The following AHI1 variants were observed in gnomAD, a reference collection of about 807,000 sequenced individuals.
AHI1 encodes Abelson helper integration site 1.
In AHI1, 123 loss-of-function variants were observed where a neutral mutation model predicts 149.3. The observed-to-expected ratio is 0.82, with a 90% CI of 0.71 to 0.96. The LOEUF is 0.96. AHI1 is among the 40% of genes least tolerant of loss of function. The probability of loss-of-function intolerance (pLI) is 0.00; values close to 1 mark genes in which losing one functional copy is unlikely to be tolerated. For missense variants in AHI1, 1,439 were observed against 1,422.7 expected, an observed-to-expected ratio of 1.01 and a Z score of -0.18; for synonymous variants, 475 against 459.8, an observed-to-expected ratio of 1.03 and a Z score of -0.42.
At position 135,433,027 on chromosome 6, in the gene AHI1, C is replaced by A. The variant is rs376754552; in HGVS notation, c.2266G>T (p.Gly756Cys). ...TCTTCATTCATAGTCTCTGACATAC[C>A]TTCAGTATCAAAACAAAGTGAGTTG... ...FINSLCFDTE[G>C]HHMYSGDCTG... The change falls in exon 16 of 29, where the codon GGT becomes TGT. Residue 756 changes from glycine (G) to cysteine (C), a missense_variant and splice_region_variant. Gly to Cys is a radical substitution (Grantham distance 159). Transcript: ENST00000265602. 50 of 1,604,142 alleles carry A rather than the reference C, an allele frequency of 3.1e-5. No homozygotes were observed. The highest frequency in any genetic ancestry group is 4.2e-5 in the Non-Finnish European group (49 of 1,171,258).
intron 5 of AHI1, among the ~76,000 whole-genome samples, chr6:135,489,610 T>A (rs1794960048): frequency 6.6e-6 from 1 of 152,150 alleles, no homozygotes; most frequent in African/African-American, 2.4e-5. Context: ...AAAAAGCACA[T>A]GCTATTTCAG....
chr6:135,359,458 A>C (rs764219709), intron 23 of AHI1, among the ~76,000 whole-genome samples: 1 of 152,176 alleles, frequency 6.6e-6, no homozygotes, highest in Non-Finnish European at 1.5e-5. Flanking sequence ...ATGGAAAGAC[A>C]CTCTTATTCA....
chr6:135,393,302 A>G (rs557914876), intron 23 of AHI1, among the ~76,000 whole-genome samples: 4 of 152,270 alleles, frequency 2.6e-5, no homozygotes, highest in African/African-American at 9.6e-5. Flanking sequence ...TGTATTATCT[A>G]TATCTTGTTG....
intron 24 of AHI1, among the ~76,000 whole-genome samples, chr6:135,331,794 C>A (rs1788636924): frequency 6.6e-6 from 1 of 152,162 alleles, no homozygotes; most frequent in Non-Finnish European, 1.5e-5. Context: ...CTTCTCTGTG[C>A]CAGTCTAATA....
intron 6 of AHI1, among the ~76,000 whole-genome samples, chr6:135,466,886 A>G (rs1461893134): frequency 2.0e-5 from 3 of 152,222 alleles, no homozygotes; most frequent in African/African-American, 7.2e-5. Context: ...AATATTACAT[A>G]TTAAGTTAAA....
chr6:135,330,067 T>C (rs1468908447), intron 24 of AHI1, among the ~76,000 whole-genome samples: 1 of 152,266 alleles, frequency 6.6e-6, no homozygotes, highest in Non-Finnish European at 1.5e-5. Flanking sequence ...AGATGGAATC[T>C]ACTCCTCGTG....
At chr6:135,341,918 C>T (rs1027913969) in intron 24 of AHI1, among the ~76,000 whole-genome samples, 2 of 151,104 alleles carry the variant, frequency 1.3e-5, no homozygotes, top group Non-Finnish European at 3.0e-5. Context: ...AAATTAAACC[C>T]AAAGGAAGCA....
chr6:135,490,523 T>C (rs1795105513), intron 5 of AHI1, 100 bp downstream of exon 5: 1 of 1,439,406 alleles, frequency 6.9e-7, no homozygotes, highest in Non-Finnish European at 9.7e-7. Flanking sequence ...GTTACTGTTT[T>C]TAATTTTCAA....
intron 22 of AHI1, among the ~76,000 whole-genome samples, chr6:135,399,933 G>A (rs1303612900): frequency 3.3e-5 from 5 of 151,964 alleles, no homozygotes; most frequent in African/African-American, 9.7e-5. Flanking sequence ...GTCCAGGGGT[G>A]CATGTGAAGC....
chr6:135,285,391 C>T lies in AHI1; in HGVS notation c.*254G>A. On this transcript the variant is annotated 3_prime_UTR_variant, in exon 29 of 29. Transcript: ENST00000265602. ...TGGTAATGTAATTATGATGCAATTA[C>T]TAACAATATAAGTACCAATACTTTG... is the stretch of plus-strand genomic sequence containing the variant. 2 of 526,686 alleles carry T rather than the reference C, an allele frequency of 3.8e-6. No homozygotes were observed. Among genetic ancestry groups the T allele is most frequent in the African/African-American group, 1.9e-5 (1 of 52,336 alleles). The allele number at this position is 526,686 out of a possible 1,614,324, so 32.6% of individuals were successfully genotyped here. A position where few individuals can be genotyped will look rare whatever the true frequency, so the allele number is the denominator to read the frequency against.
At chr6:135,287,007 T>C (rs777603418) in intron 28 of AHI1, among the ~76,000 whole-genome samples, 1 of 152,020 alleles carries the variant, frequency 6.6e-6, no homozygotes, top group Non-Finnish European at 1.5e-5. Flanking sequence ...CAGAGAGACA[T>C]ATAAACTTCT....
intron 3 of AHI1, chr6:135,492,542 C>A (rs999812806): frequency 1.0e-6 from 1 of 981,812 alleles, no homozygotes; most frequent in African/African-American, 1.8e-5. Flanking sequence ...ACAAAAAAAA[C>A]ATTTTGAAGG....
chr6:135,456,832 T>TG (rs1789033607), intron 9 of AHI1, among the ~76,000 whole-genome samples: 1 of 152,212 alleles, frequency 6.6e-6, no homozygotes, highest in Admixed American at 6.5e-5. Flanking sequence ...TTACCTTACC[T>TG]GAAGCCCAGA....
At chr6:135,413,891 T>C (rs1583110805) in intron 20 of AHI1, among the ~76,000 whole-genome samples, 1 of 152,298 alleles carries the variant, frequency 6.6e-6, no homozygotes, top group Admixed American at 6.5e-5. Context: ...TGGGGTGGCA[T>C]ACTCAATATT....
chr6:135,468,237 T>C (rs1424973310), intron 5 of AHI1, among the ~76,000 whole-genome samples: 1 of 152,154 alleles, frequency 6.6e-6, no homozygotes, highest in African/African-American at 2.4e-5. Context: ...AATCTAATTA[T>C]ATTCACATGT....
Position 135,455,894 on chromosome 6 carries a change from T to C in AHI1, c.1184A>G (p.Glu395Gly). 1 of 1,530,082 alleles carries C rather than the reference T, an allele frequency of 6.5e-7. No individual in the cohort carries two copies. 94.8% of individuals were successfully genotyped at this position (1,530,082 alleles called of 1,614,324 possible). ...AATAGGAAGAATATAATCCACATTC[T>C]CTTTTTCATAGTAAGATGAAACAGG... ...GRPVSSYYEK[E>G]NVDYILPIMT... Residue 395 changes from glutamate to glycine, a missense_variant, in exon 10 of 29, where the codon GAG becomes GGG. Physicochemically the swap from Glu to Gly is moderately conservative, Grantham distance 98. Transcript: ENST00000265602.
intron 23 of AHI1, among the ~76,000 whole-genome samples, chr6:135,378,226 A>G (rs1776226754): frequency 6.6e-6 from 1 of 152,196 alleles, no homozygotes; most frequent in African/African-American, 2.4e-5. Flanking sequence ...TTCTTGGGCT[A>G]TGCCAGTCTT....
At chr6:135,428,250 T>C (rs554072418) in intron 19 of AHI1, among the ~76,000 whole-genome samples, 2 of 151,772 alleles carry the variant, frequency 1.3e-5, no homozygotes, top group East Asian at 1.9e-4. Flanking sequence ...CCGTTACTAA[T>C]GAAAATATAG....
intron 5 of AHI1, among the ~76,000 whole-genome samples, chr6:135,469,735 A>C (rs1433505604): frequency 6.6e-6 from 1 of 152,192 alleles, no homozygotes; most frequent in East Asian, 1.9e-4. Context: ...CTATTTAATA[A>C]ATGGTGCTGG....
Sources: gnomAD v4.1 joint callset for allele counts (sites outside exome capture counted in the v4.1 genomes callset) on GRCh38, gnomAD v4.1.1 for gene constraint, MANE v1.5 for transcripts, NCBI Gene and HGNC (gene_info 2026-07-23, HGNC 2026-07-21) for gene names.